Variants in TMEM182 observed in about 807,000 individuals in gnomAD.
TMEM182 encodes transmembrane protein 182.
TMEM182 carries 20 observed loss-of-function variants against 26.8 expected under a neutral mutation model. The observed-to-expected ratio is 0.75, with a 90% confidence interval of 0.53 to 1.09. TMEM182 has a LOEUF of 1.09. Among genes scored for constraint, TMEM182 ranks in the 50% least tolerant of loss-of-function variants. TMEM182 has a pLI of 0.00. For missense variants in TMEM182, 277 were observed against 275.5 expected (o/e 1.01, Z -0.04); for synonymous variants, 109 against 102.2 (o/e 1.07, Z -0.40).
chr2:102,753,680 T>G (rs1215117575), intron 1 of TMEM182, among the ~76,000 whole-genome samples: 2 of 152,172 alleles, frequency 1.3e-5, no homozygotes, highest in Non-Finnish European at 2.9e-5. Context: ...CAGTTCTTCA[T>G]TTTTGATAGA....
At chr2:102,832,826 T>C (rs1432222070) in intron 3 of TMEM182, among the ~76,000 whole-genome samples, 1 of 152,240 alleles carries the variant, frequency 6.6e-6, no homozygotes, top group Non-Finnish European at 1.5e-5. Flanking sequence ...CTTTTTATTA[T>C]AATTTATACA....
intron 1 of TMEM182, among the ~76,000 whole-genome samples, chr2:102,746,839 G>A (rs1035761535): frequency 5.9e-5 from 9 of 152,100 alleles, no homozygotes; most frequent in Admixed American, 3.9e-4. Context: ...CGCCCGTCTC[G>A]GCCTCCCAAA....
intron 3 of TMEM182, among the ~76,000 whole-genome samples, chr2:102,781,645 G>A (rs1681170463): frequency 6.6e-6 from 1 of 152,138 alleles, no homozygotes; most frequent in Admixed American, 6.6e-5. Context: ...AGCTTGGGAG[G>A]CAGGAATCAT....
chr2:102,792,294 G>A (rs889696011), intron 3 of TMEM182, among the ~76,000 whole-genome samples: 12 of 152,072 alleles, frequency 7.9e-5, no homozygotes, highest in African/African-American at 2.9e-4. Flanking sequence ...ATATACTTGA[G>A]TGCTTACTAC....
intron 3 of TMEM182, among the ~76,000 whole-genome samples, chr2:102,774,861 T>C (rs1218987319): frequency 6.6e-6 from 1 of 152,230 alleles, no homozygotes; most frequent in Non-Finnish European, 1.5e-5. Context: ...TATTTATCTA[T>C]CTAGTAAATG....
chr2:102,738,547 G>A (rs1030832916), intron 1 of TMEM182, among the ~76,000 whole-genome samples: 4 of 152,026 alleles, frequency 2.6e-5, no homozygotes, highest in African/African-American at 4.8e-5. Context: ...AGCTGAGATC[G>A]CCCCACTGCA....
intron 3 of TMEM182, among the ~76,000 whole-genome samples, chr2:102,788,605 C>G (rs947159728): frequency 1.3e-5 from 2 of 152,030 alleles, no homozygotes; most frequent in Admixed American, 1.3e-4. Context: ...AGGAAGCCTC[C>G]CTCCTAACCC....
intron 4 of TMEM182, among the ~76,000 whole-genome samples, chr2:102,812,734 A>T (rs992188861): frequency 6.6e-6 from 1 of 152,208 alleles, no homozygotes; most frequent in Non-Finnish European, 1.5e-5. Flanking sequence ...TCCTTTTTCC[A>T]TTAAAATATC....
intron 3 of TMEM182, among the ~76,000 whole-genome samples, chr2:102,773,770 A>T (rs1175106505): frequency 6.6e-6 from 1 of 152,238 alleles, no homozygotes; most frequent in East Asian, 1.9e-4. Context: ...CATTTAGGAG[A>T]TTTGATGTAT....
chr2:102,739,424 C>G (rs757668484), intron 1 of TMEM182, among the ~76,000 whole-genome samples: 1 of 152,100 alleles, frequency 6.6e-6, no homozygotes, highest in African/African-American at 2.4e-5. Context: ...AACCTCATGT[C>G]GAATTGTAGT....
At position 102,745,866 on chromosome 2, in the gene TMEM182, T is replaced by C. The variant is rs533367164; in HGVS notation, c.-83+8853T>C. On this transcript the variant is annotated intron_variant, in intron 1 of 5. Transcript: ENST00000409173. ...TATATATTCATCAGTTGATGGGCAT[T>C]GGGATTGGTTCTAATTTTGGGATAT... 2.0e-5 allele frequency among the ~76,000 whole-genome samples: 3 copies of C among 152,318 alleles called. No homozygotes were observed. The East Asian group carries it at 5.8e-4, about 29-fold the overall frequency.
intron 1 of TMEM182, among the ~76,000 whole-genome samples, chr2:102,753,672 G>C (rs935565562): frequency 6.6e-6 from 1 of 152,138 alleles, no homozygotes; most frequent in Non-Finnish European, 1.5e-5. Context: ...TGCTCAGCCA[G>C]TTCTTCATTT....
At chr2:102,797,650 G>C (rs896790878) in intron 3 of TMEM182, 16 of 520,888 alleles carry the variant, frequency 3.1e-5, no homozygotes, top group Admixed American at 1.5e-4. Flanking sequence ...AGCAAGAGGA[G>C]TTGATTGAAG....
At chr2:102,785,473 C>T (rs1002158894) in intron 3 of TMEM182, among the ~76,000 whole-genome samples, 1 of 152,176 alleles carries the variant, frequency 6.6e-6, no homozygotes, top group Non-Finnish European at 1.5e-5. Flanking sequence ...ACATATTGTA[C>T]TTTTTCATAG....
intron 1 of TMEM182, among the ~76,000 whole-genome samples, chr2:102,749,375 A>C (rs1488595903): frequency 6.6e-6 from 1 of 152,200 alleles, no homozygotes; most frequent in African/African-American, 2.4e-5. Flanking sequence ...AAATACATGG[A>C]ATAGGCAAAT....
At chr2:102,738,257 G>T (rs1405832939) in intron 1 of TMEM182, among the ~76,000 whole-genome samples, 3 of 152,106 alleles carry the variant, frequency 2.0e-5, no homozygotes, top group African/African-American at 7.2e-5. Flanking sequence ...CTGGTGACAG[G>T]TACACATTAT....
intron 3 of TMEM182, among the ~76,000 whole-genome samples, chr2:102,774,775 G>T (rs182774873): frequency 6.6e-6 from 1 of 151,956 alleles, no homozygotes; most frequent in Non-Finnish European, 1.5e-5. Flanking sequence ...ACTTGTATGG[G>T]ACTAATTTTT....
chr2:102,768,561 A>C (rs2540291), intron 3 of TMEM182, among the ~76,000 whole-genome samples: 73,169 of 150,302 alleles, frequency 0.49, 18,587 homozygotes, highest in African/African-American at 0.64. Flanking sequence ...ATTAGCCAGG[A>C]GGGGTGGTGC....
At chr2:102,805,732 A>G (rs1001913628) in intron 4 of TMEM182, among the ~76,000 whole-genome samples, 1 of 152,126 alleles carries the variant, frequency 6.6e-6, no homozygotes, top group Admixed American at 6.5e-5. Context: ...GACGGTTTTC[A>G]GATGTGCAAA....
Sources: allele counts gnomAD v4.1 joint callset (sites outside exome capture counted in the v4.1 genomes callset), GRCh38; gene constraint gnomAD v4.1.1; transcripts MANE v1.5; gene names NCBI Gene and HGNC (gene_info 2026-07-23, HGNC 2026-07-21).